Variants in TNFSF4 observed in about 807,000 individuals in gnomAD.
TNFSF4 encodes the protein TNF superfamily member 4.
A neutral mutation model predicts 7.3 loss-of-function variants in TNFSF4; 4 were observed. The observed-to-expected ratio is 0.55, with a 90% CI of 0.27 to 1.25. The LOEUF (loss-of-function observed/expected upper bound fraction) is 1.25. Among genes scored for constraint, TNFSF4 ranks in the 50% most tolerant of loss-of-function variants. TNFSF4 has a pLI of 0.12. For missense variants in TNFSF4, 181 were observed against 208.8 expected (o/e 0.87, Z 0.82); for synonymous variants, 76 against 83.7 (o/e 0.91, Z 0.50).
the TNFSF4 span, among the ~76,000 whole-genome samples, chr1:173,439,606 A>G: frequency 6.6e-6 from 1 of 152,232 alleles, no homozygotes; most frequent in Non-Finnish European, 1.5e-5. Context: ...GGACAATTGA[A>G]GGAAAGAAGA....
chr1:173,399,063 A>G, the TNFSF4 span, among the ~76,000 whole-genome samples: 1 of 152,186 alleles, frequency 6.6e-6, no homozygotes, highest in African/African-American at 2.4e-5. Context: ...GCACATCATG[A>G]AGTGTTATCT....
chr1:173,276,534 G>A, the TNFSF4 span, among the ~76,000 whole-genome samples: 317 of 152,250 alleles, frequency 2.1e-3, 2 homozygotes, highest in Non-Finnish European at 3.7e-3. Context: ...AATGAGTAGA[G>A]AAAGGAGCCA....
the TNFSF4 span, among the ~76,000 whole-genome samples, chr1:173,365,839 A>C: frequency 6.6e-6 from 1 of 152,218 alleles, no homozygotes; most frequent in Admixed American, 6.5e-5. Flanking sequence ...GAACCACCAA[A>C]CTGTGTCAGG....
chr1:173,254,997 C>T, the TNFSF4 span, among the ~76,000 whole-genome samples: 1 of 152,150 alleles, frequency 6.6e-6, no homozygotes, highest in Non-Finnish European at 1.5e-5. Context: ...TTTAAAAACA[C>T]TGAGTCCCAC....
chr1:173,423,633 G>A, the TNFSF4 span, among the ~76,000 whole-genome samples: 2 of 152,232 alleles, frequency 1.3e-5, no homozygotes, highest in African/African-American at 4.8e-5. Flanking sequence ...ACTGGTAGCT[G>A]TGAACTGGTG....
the TNFSF4 span, among the ~76,000 whole-genome samples, chr1:173,396,029 T>G: frequency 6.6e-6 from 1 of 152,110 alleles, no homozygotes; most frequent in Non-Finnish European, 1.5e-5. Context: ...GGCTGCTGAT[T>G]CACCTCAGGA....
the TNFSF4 span, among the ~76,000 whole-genome samples, chr1:173,406,204 A>G: frequency 6.6e-6 from 1 of 152,216 alleles, no homozygotes; most frequent in Admixed American, 6.5e-5. Flanking sequence ...TATAGTAGGC[A>G]CTCAATAAAT....
the TNFSF4 span, among the ~76,000 whole-genome samples, chr1:173,309,451 C>T: frequency 4.0e-5 from 6 of 151,448 alleles, no homozygotes; most frequent in Non-Finnish European, 8.9e-5. Context: ...AGAGATTTTT[C>T]TTGAACTATT....
chr1:173,229,135 C>T, the TNFSF4 span, among the ~76,000 whole-genome samples: 1 of 152,174 alleles, frequency 6.6e-6, no homozygotes, highest in African/African-American at 2.4e-5. Flanking sequence ...TTGTCAGATT[C>T]ACCAAGGTTG....
chr1:173,345,675 A>T, the TNFSF4 span, among the ~76,000 whole-genome samples: 1 of 152,242 alleles, frequency 6.6e-6, no homozygotes, highest in Non-Finnish European at 1.5e-5. Flanking sequence ...TTCTTGAAAG[A>T]TGGACTAAAT....
the TNFSF4 span, among the ~76,000 whole-genome samples, chr1:173,408,304 T>C: frequency 2.4e-3 from 367 of 152,052 alleles, 2 homozygotes; most frequent in African/African-American, 8.2e-3. Context: ...CAAGAAAATA[T>C]ACAAAGAATG....
At chr1:173,384,665 A>G in the TNFSF4 span, among the ~76,000 whole-genome samples, 3 of 151,898 alleles carry the variant, frequency 2.0e-5, no homozygotes, top group African/African-American at 2.4e-5. Context: ...AAATTTAGAG[A>G]AAAAAAAGCG....
chr1:173,288,676 T>C, the TNFSF4 span, among the ~76,000 whole-genome samples: 1 of 151,882 alleles, frequency 6.6e-6, no homozygotes, highest in African/African-American at 2.4e-5. Context: ...AAAACTAAGT[T>C]CAAAATAAAT....
chr1:173,281,479 T>C, the TNFSF4 span, among the ~76,000 whole-genome samples: 1 of 152,186 alleles, frequency 6.6e-6, no homozygotes, highest in Non-Finnish European at 1.5e-5. Flanking sequence ...ACATATTTCA[T>C]TTATATGTCA....
At chr1:173,388,945 G>T in the TNFSF4 span, among the ~76,000 whole-genome samples, 1 of 152,154 alleles carries the variant, frequency 6.6e-6, no homozygotes, top group African/African-American at 2.4e-5. Flanking sequence ...TGAGAAATAA[G>T]TCTCTCTCCC....
At chr1:173,227,819 C>G in the TNFSF4 span, among the ~76,000 whole-genome samples, 1 of 152,210 alleles carries the variant, frequency 6.6e-6, no homozygotes, top group Non-Finnish European at 1.5e-5. Context: ...GGTCCCACCC[C>G]CACAGAGCCT....
the TNFSF4 span, among the ~76,000 whole-genome samples, chr1:173,424,927 A>G: frequency 6.6e-6 from 1 of 152,200 alleles, no homozygotes; most frequent in Non-Finnish European, 1.5e-5. Context: ...GGCATGCAAT[A>G]AGGTGGCACA....
At chr1:173,424,490 A>G in the TNFSF4 span, among the ~76,000 whole-genome samples, 1 of 152,174 alleles carries the variant, frequency 6.6e-6, no homozygotes, top group Non-Finnish European at 1.5e-5. Context: ...ATGTGATTCT[A>G]TGAGTTCTTA....
At chr1:173,231,742 G>A in the TNFSF4 span, among the ~76,000 whole-genome samples, 45 of 152,234 alleles carry the variant, frequency 3.0e-4, no homozygotes, top group African/African-American at 8.9e-4. Flanking sequence ...ATCTACTTAG[G>A]CTGATAAGCA....
Sources: allele counts gnomAD v4.1 joint callset (sites outside exome capture counted in the v4.1 genomes callset), GRCh38; gene constraint gnomAD v4.1.1; transcripts MANE v1.5; gene names NCBI Gene and HGNC (gene_info 2026-07-23, HGNC 2026-07-21).